DCAF6: variants seen among roughly 807,000 people sequenced by gnomAD.
The protein encoded by DCAF6 is DDB1- and CUL4-associated factor 6.
Under a neutral mutation model 125.1 loss-of-function variants are expected in DCAF6, and 54 were observed. The ratio of observed to expected loss-of-function variants is 0.43; its 90% CI spans 0.35 to 0.54. The LOEUF (loss-of-function observed/expected upper bound fraction) is 0.54, where lower values mean the gene tolerates loss of function less well. Among genes scored for constraint, DCAF6 ranks in the 20% least tolerant of loss-of-function variants. The pLI is 0.01. For synonymous variants in DCAF6, 371 were observed against 390.4 expected (o/e 0.95, Z 0.58); for missense variants, 934 against 1,161.7 (o/e 0.80, Z 2.85).
At chr1:168,058,254 G>A (rs1298411223) in intron 17 of DCAF6, among the ~76,000 whole-genome samples, 1 of 152,002 alleles carries the variant, frequency 6.6e-6, no homozygotes, top group Non-Finnish European at 1.5e-5. Flanking sequence ...CTAGTTTTTG[G>A]TATTAACAGT....
intron 16 of DCAF6, among the ~76,000 whole-genome samples, chr1:168,050,065 T>TG (rs1553247655): frequency 4.0e-5 from 4 of 101,126 alleles, no homozygotes; most frequent in African/African-American, 1.6e-4. Flanking sequence ...AATTACTCTC[T>TG]GAAAAAAAAA....
intron 1 of DCAF6, among the ~76,000 whole-genome samples, chr1:167,947,109 G>C (rs1332974621): frequency 6.6e-6 from 1 of 152,058 alleles, no homozygotes; most frequent in Non-Finnish European, 1.5e-5. Flanking sequence ...TTGGTAGGTT[G>C]TGTTTTTCTG....
the DCAF6 span, chr1:167,883,576 ATCGTC>A: frequency 6.2e-7 from 1 of 1,614,230 alleles, no homozygotes; most frequent in Non-Finnish European, 8.5e-7. Flanking sequence ...CACAAACACA[ATCGTC>A]ACTGGGCGAA....
the DCAF6 span, among the ~76,000 whole-genome samples, chr1:167,883,915 A>T: frequency 6.6e-6 from 1 of 152,240 alleles, no homozygotes; most frequent in Non-Finnish European, 1.5e-5. Flanking sequence ...TAAGGGAAAT[A>T]ACTACTGTTC....
At chr1:167,940,274 A>G (rs548661467) in intron 1 of DCAF6, among the ~76,000 whole-genome samples, 22 of 152,352 alleles carry the variant, frequency 1.4e-4, no homozygotes, top group Admixed American at 3.9e-4. Flanking sequence ...ACCTGGGCCA[A>G]CAGAGTGTTG....
At chr1:167,979,805 T>C (rs1404109725) in intron 4 of DCAF6, among the ~76,000 whole-genome samples, 1 of 152,100 alleles carries the variant, frequency 6.6e-6, no homozygotes, top group Admixed American at 6.5e-5. Context: ...GAGAATCACT[T>C]GAACCCAAGA....
chr1:167,883,756 C>G, the DCAF6 span: 1 of 822,804 alleles, frequency 1.2e-6, no homozygotes, highest in African/African-American at 1.7e-5. Flanking sequence ...TACAACATGA[C>G]AGAGCCAGCA....
chr1:168,050,779 G>A, intron 16 of DCAF6, 113 bp from the exon 17 acceptor site: 1 of 547,094 alleles, frequency 1.8e-6, no homozygotes, highest in Non-Finnish European at 2.9e-6. Context: ...GGAAACAAAA[G>A]TTTTTTTTTA....
intron 21 of DCAF6, among the ~76,000 whole-genome samples, 192 bp downstream of exon 21, chr1:168,068,655 C>T (rs565344235): frequency 1.5e-4 from 23 of 152,106 alleles, no homozygotes; most frequent in African/African-American, 4.3e-4. Context: ...CTACATTTGT[C>T]GTAAAATGGT....
At chr1:167,920,533 T>C in the DCAF6 span, 1 of 1,610,768 alleles carries the variant, frequency 6.2e-7, no homozygotes. Context: ...ACAGAAGATA[T>C]TTATTTAATT....
the DCAF6 span, among the ~76,000 whole-genome samples, chr1:167,912,610 G>A: frequency 6.6e-6 from 1 of 152,206 alleles, no homozygotes; most frequent in East Asian, 1.9e-4. Context: ...CCCCACTGGG[G>A]GTTCCCTCTC....
chr1:167,963,029 G>A (rs548206674), intron 2 of DCAF6, among the ~76,000 whole-genome samples: 49 of 152,250 alleles, frequency 3.2e-4, no homozygotes, highest in African/African-American at 1.2e-3. Context: ...GGAGGCCAAG[G>A]CGGGTGGATC....
At chr1:167,882,512 G>A in the DCAF6 span, among the ~76,000 whole-genome samples, 1 of 147,276 alleles carries the variant, frequency 6.8e-6, no homozygotes, top group South Asian at 2.1e-4. Context: ...AAAGAACAGA[G>A]CGAAAACACC....
rs143135477 is a variant in DCAF6, at chr1:167,982,881, G to T, written c.439-4614G>T. Among the ~76,000 whole-genome samples, 318 of 152,166 alleles carry T rather than the reference G, an allele frequency of 2.1e-3. 2 individuals are homozygous for T. Among genetic ancestry groups the T allele is most frequent in the African/African-American group, 7.2e-3 (297 of 41,508 alleles). ...GTCCAGTTTCATTCTTCTACATATGGTTGGCCAGTGATCCCAGCACCATTT... is the reference window on the plus strand; with the variant it reads ...GTCCAGTTTCATTCTTCTACATATGTTTGGCCAGTGATCCCAGCACCATTT... On this transcript the variant is annotated intron_variant, in intron 4 of 21. Transcript: ENST00000367840.
intron 20 of DCAF6, among the ~76,000 whole-genome samples, chr1:168,066,946 C>T (rs1692419810): frequency 6.6e-6 from 1 of 151,948 alleles, no homozygotes; most frequent in Non-Finnish European, 1.5e-5. Context: ...TTTCCTTTAT[C>T]ATTATATTTT....
chr1:167,954,752 A>G (rs1237429692), intron 2 of DCAF6, among the ~76,000 whole-genome samples: 2 of 152,136 alleles, frequency 1.3e-5, no homozygotes, highest in South Asian at 4.1e-4. Context: ...GCACCCGGCA[A>G]ATTTTTGTAT....
rs766935555 is a variant in DCAF6 at position 168,065,573 on chromosome 1, T to G, written c.2440-17T>G. On this transcript the variant is annotated splice_polypyrimidine_tract_variant and intron_variant, in intron 18 of 21. Transcript: ENST00000367840. The stretch of plus-strand genomic sequence containing the variant: ...AACTTTGATTTGAATTTTTAAATAA[T>G]TTTTTTTAACCCTTAGATAAAAGAA... 1 of 1,453,684 alleles carries G rather than the reference T, an allele frequency of 6.9e-7. No homozygotes were observed. The highest frequency in any genetic ancestry group is 9.3e-7 in the Non-Finnish European group (1 of 1,076,614). The allele number at this position is 1,453,684 out of a possible 1,614,324, so 90.0% of individuals were successfully genotyped here. A position where few individuals can be genotyped will look rare whatever the true frequency, so the allele number is the denominator to read the frequency against.
At chr1:167,883,737 T>C in the DCAF6 span, 1 of 970,528 alleles carries the variant, frequency 1.0e-6, no homozygotes, top group East Asian at 2.5e-5. Flanking sequence ...TACCTCAGAA[T>C]GGGTGAGGTA....
At chr1:167,931,452 T>G (rs1670907691), upstream of DCAF6, among the ~76,000 whole-genome samples, 1 of 152,182 alleles carries the variant, frequency 6.6e-6, no homozygotes. Context: ...ATCTTACATC[T>G]ATTTTAGTTA....
Sources: allele counts gnomAD v4.1 joint callset (sites outside exome capture counted in the v4.1 genomes callset), GRCh38; gene constraint gnomAD v4.1.1; transcripts MANE v1.5; gene names NCBI Gene and HGNC (gene_info 2026-07-23, HGNC 2026-07-21).